Variants in UBA7 observed in about 807,000 individuals in gnomAD.
UBA7 encodes ubiquitin like modifier activating enzyme 7.
A neutral mutation model predicts 113.0 loss-of-function variants in UBA7; 88 were observed. That is an observed-to-expected ratio of 0.78 (90% CI 0.66 to 0.93). The LOEUF (loss-of-function observed/expected upper bound fraction) is 0.93, where lower values mean the gene tolerates loss of function less well. UBA7 is among the 40% of genes least tolerant of loss of function. The pLI, the probability that UBA7 is intolerant of heterozygous loss-of-function variation, is 0.00. For missense variants in UBA7, 1,092 were observed against 1,266.4 expected (o/e 0.86, Z 2.09); for synonymous variants, 459 against 513.0 (o/e 0.89, Z 1.42).
At chr3:49,808,323 T>C in intron 19 of UBA7, 63 bp downstream of exon 19, 6 of 1,602,878 alleles carry the variant, frequency 3.7e-6, no homozygotes, top group Non-Finnish European at 5.1e-6. Context: ...ACTACCTTAT[T>C]AGCTCCTGAC....
rs2081504741 is a variant in UBA7 at position 49,809,383 on chromosome 3, C to T, written c.2163+7G>A. The T allele has an allele frequency of 1.2e-6, 2 of 1,613,812 alleles. No individual in the cohort carries two copies. The highest frequency in any genetic ancestry group is 1.7e-5 in the Admixed American group (1 of 59,986). On this transcript the variant is annotated splice_region_variant and intron_variant, in intron 17 of 23. Transcript: ENST00000333486. ...TATCTTGGAGCTCCCTACAGAATCCCACTCACTTGGTTGGTGTCAAACTCC... is the reference window on the plus strand; with the variant it reads ...TATCTTGGAGCTCCCTACAGAATCCTACTCACTTGGTTGGTGTCAAACTCC...
chr3:49,811,636 C>T, intron 8 of UBA7, 181 bp from the exon 9 acceptor site: 1 of 1,122,912 alleles, frequency 8.9e-7, no homozygotes. Context: ...TACCAGACAG[C>T]AGTCCAGGAG....
intron 18 of UBA7, 113 bp downstream of exon 18, chr3:49,808,863 C>T: frequency 7.3e-7 from 1 of 1,370,332 alleles, no homozygotes; most frequent in Non-Finnish European, 9.8e-7. Flanking sequence ...TGAGAGGTAG[C>T]AAATTGGCTG....
At chr3:49,808,861 A>G (rs2081496426) in intron 18 of UBA7, 115 bp downstream of exon 18, 11 of 1,346,402 alleles carry the variant, frequency 8.2e-6, no homozygotes, top group Non-Finnish European at 1.1e-5. Context: ...CCTGAGAGGT[A>G]GCAAATTGGC....
Position 49,812,199 on chromosome 3 carries a change from C to A in UBA7, c.702G>T (p.Gly234=). ...DPRSIHVRED[G]SLEIGDTTTF... ...TTGTTGTGTCTCCAATCTCCAGGGA[C>A]CCATCCTCTGAGGGAGTTCCAGTCT... is the stretch of plus-strand genomic sequence containing the variant. Residue 234 remains glycine (G), a synonymous_variant, in exon 7 of 24, where the codon GGG becomes GGT. Coordinates refer to ENST00000333486, the MANE Select transcript of UBA7 (RefSeq NM_003335.3). 6.2e-7 allele frequency: 1 copy of A among 1,614,206 alleles called. No individual in the cohort carries two copies. Among genetic ancestry groups the A allele is most frequent in the Non-Finnish European group, 8.5e-7 (1 of 1,180,042 alleles).
chr3:49,809,499 T>C (rs1438941770), intron 16 of UBA7, 35 bp from the exon 17 acceptor site: 2 of 1,613,852 alleles, frequency 1.2e-6, no homozygotes, highest in South Asian at 2.2e-5. Flanking sequence ...GGGCTCAGTC[T>C]GGTCCCCCTG....
At position 49,805,990 on chromosome 3, in the gene UBA7, T is replaced by C. The variant is rs2081442879; in HGVS notation, c.2816A>G (p.His939Arg). The change falls in exon 23 of 24, where the codon CAC becomes CGC. Residue 939 changes from histidine to arginine, a missense_variant. Transcript: ENST00000333486. ...ESLLAHLQEQHGLRVRILLHG... is the reference protein window; with the variant it reads ...ESLLAHLQEQRGLRVRILLHG... Reference sequence around the variant, plus strand: ...CAGCAGGATCCTCACCCTCAACCCGTGCTGCTCCTAGAGGAGAAAGGTCAG... The same window carrying C: ...CAGCAGGATCCTCACCCTCAACCCGCGCTGCTCCTAGAGGAGAAAGGTCAG... 6.4e-7 allele frequency: 1 copy of C among 1,566,612 alleles called. No homozygotes were observed. Among genetic ancestry groups the C allele is most frequent in the African/African-American group, 1.4e-5 (1 of 73,868 alleles).
Position 49,808,466 on chromosome 3 carries a change from G to A in UBA7, c.2350C>T (p.Pro784Ser), listed in dbSNP as rs911742773. Residue 784 changes from proline to serine, a missense_variant and splice_region_variant, in exon 19 of 24, where the codon CCT becomes TCT. Coordinates refer to ENST00000333486, the MANE Select transcript of UBA7 (RefSeq NM_003335.3). ...TTGTTCAGTTCCTTCTGCTGCTCAG[G>A]GCCTGTCAGGGGAGGGGATGTTGAG... ...ELASASAEFG[P>S]EQQKELNKAL... The A allele has an allele frequency of 9.3e-6, 15 of 1,614,058 alleles. No individual in the cohort carries two copies. The highest frequency in any genetic ancestry group is 1.2e-5 in the Non-Finnish European group (14 of 1,179,962).
At position 49,813,633 on chromosome 3, in the gene UBA7, G is replaced by A. The variant is rs1450396834; in HGVS notation, c.71C>T (p.Ser24Leu). The A allele has an allele frequency of 1.5e-5, 25 of 1,614,120 alleles. No homozygotes were observed. The highest frequency in any genetic ancestry group is 2.7e-5 in the African/African-American group (2 of 74,950). Reference protein sequence around the residue: ...LYSRQLYVLGSPAMQRIQGAR... With the variant: ...LYSRQLYVLGLPAMQRIQGAR... ...TCCCTGAATCCTCTGCATGGCAGGT[G>A]AGCCCAGCACATACCTGTGGATGGG... Residue 24 changes from serine to leucine, a missense_variant, in exon 2 of 24, where the codon TCA becomes TTA. Around this residue, in one of 3 missense-constraint regions of UBA7, gnomAD observed 584 missense variants for 714.5 expected, o/e 0.82. Transcript: ENST00000333486.
rs149099532 is a variant in UBA7 at position 49,813,620 on chromosome 3, C to A, written c.84G>T (p.Gln28His). 44 of 1,614,140 alleles carry A rather than the reference C, an allele frequency of 2.7e-5. No individual in the cohort carries two copies. The African/African-American group carries it at 5.7e-4, about 21-fold the overall frequency. Residue 28 changes from glutamine to histidine, a missense_variant, in exon 2 of 24, where the codon CAG (glutamine) becomes CAT (histidine). By Grantham distance (24) the Gln-to-His change is conservative (BLOSUM62 0). Transcript: ENST00000333486. ...QLYVLGSPAM[Q>H]RIQGARVLVS... is the part of the protein sequence containing the mutation. Reference sequence around the variant, plus strand: ...CCAGGACCCTGGCTCCCTGAATCCTCTGCATGGCAGGTGAGCCCAGCACAT... The same window carrying A: ...CCAGGACCCTGGCTCCCTGAATCCTATGCATGGCAGGTGAGCCCAGCACAT...
chr3:49,808,934 C>T (rs1362729288), intron 18 of UBA7, 42 bp downstream of exon 18: 1 of 1,597,920 alleles, frequency 6.3e-7, no homozygotes, highest in Non-Finnish European at 8.5e-7. Flanking sequence ...CAGGTTCAGG[C>T]CTTTGAAAGA....
In UBA7 at chr3:49,813,296, C is replaced by A; in HGVS notation, c.313G>T (p.Val105Phe). The A allele has an allele frequency of 6.2e-7, 1 of 1,614,178 alleles. No individual in the cohort carries two copies. Among genetic ancestry groups the A allele is most frequent in the Non-Finnish European group, 8.5e-7 (1 of 1,180,034 alleles). Residue 105 changes from valine to phenylalanine, a missense_variant, in exon 3 of 24, where the codon GTC (valine) becomes TTC (phenylalanine). Val to Phe is a conservative substitution (Grantham distance 50, BLOSUM62 -1). This residue lies in a region of UBA7 where 584 missense variants were observed against 714.5 expected (regional missense o/e 0.82). Transcript: ENST00000333486. ...LAQLNRAVQV[V>F]VHTGDITEDL... ...TCAGTGATGTCACCCGTGTGCACGA[C>A]GACCTGGACAGCTCTGTTGAGCTGA... is the stretch of plus-strand genomic sequence containing the variant.
intron 5 of UBA7, 51 bp downstream of exon 5, chr3:49,812,597 C>T (rs370915371): frequency 2.5e-6 from 4 of 1,614,148 alleles, no homozygotes; most frequent in African/African-American, 1.3e-5. Context: ...TCCACAGGCC[C>T]TGGCAGCCTC....
rs1056627498 is a variant in UBA7, at chr3:49,810,390, GC to G, written c.1505del (p.Gly502AlafsTer2). 11 of 1,614,034 alleles carry G rather than the reference GC, an allele frequency of 6.8e-6. No individual in the cohort carries two copies. Among genetic ancestry groups the G allele is most frequent in the Non-Finnish European group, 9.3e-6 (11 of 1,180,048 alleles). ...GGATCACCTGTAAGTCTGGGTTCAG[GC>G]CCCGGGCAGCTGCTGCAGCCACCTC... ...KAEVAAAAAR[G>X]LNPDLQVIPL... On this transcript the variant is annotated frameshift_variant, in exon 13 of 24. Coordinates refer to ENST00000333486, the MANE Select transcript of UBA7 (RefSeq NM_003335.3). LOFTEE classifies it high-confidence loss of function. The surrounding 1 kb of genome is among the most constrained non-coding windows in gnomAD (Gnocchi z 5.6).
intron 23 of UBA7, 63 bp downstream of exon 23, chr3:49,805,834 G>T: frequency 6.9e-7 from 1 of 1,443,920 alleles, no homozygotes; most frequent in Non-Finnish European, 9.5e-7. Context: ...AAAAGGCAGT[G>T]TGGTCCCTAG....
Position 49,809,395 on chromosome 3 carries a change from T to A in UBA7, c.2158A>T (p.Asn720Tyr), listed in dbSNP as rs749668905. The change falls in exon 17 of 24, where the codon AAC becomes TAC. Residue 720 changes from asparagine to tyrosine, a missense_variant. Around this residue, in one of 3 missense-constraint regions of UBA7, gnomAD observed 500 missense variants for 529.3 expected, o/e 0.94. Transcript: ENST00000333486. ...QCPQPLEFDT[N>Y]QDTHLLYVLA... ...CCCTACAGAATCCCACTCACTTGGT[T>A]GGTGTCAAACTCCAAGGGCTGGGGA... 2 of 1,614,114 alleles carry A rather than the reference T, an allele frequency of 1.2e-6. 1 individual carries two copies.
Position 49,807,822 on chromosome 3 carries a change from G to A in UBA7, c.2629C>T (p.Pro877Ser), listed in dbSNP as rs747274065. 69 of 1,614,024 alleles carry A rather than the reference G, an allele frequency of 4.3e-5. No homozygotes were observed. The highest frequency in any genetic ancestry group is 5.5e-5 in the Non-Finnish European group (65 of 1,180,012). The change falls in exon 21 of 24, where the codon CCT (proline) becomes TCT (serine). Residue 877 changes from proline to serine, a missense_variant. By Grantham distance (74) the Pro-to-Ser change is moderately conservative (BLOSUM62 -1). Around this residue, in one of 3 missense-constraint regions of UBA7, gnomAD observed 500 missense variants for 529.3 expected, o/e 0.94. Transcript: ENST00000333486. The surrounding 1 kb of genome is among the most constrained non-coding windows in gnomAD (Gnocchi z 4.0). ...TAGCTGTGGCGAAAGGCACTACGAG[G>A]CCGTGGCCCACTCACCACCTTATAC... ...ELYKVVSGPR[P>S]RSAFRHSYLH... is the part of the protein sequence containing the mutation.
chr3:49,813,715 C>T lies in UBA7; in HGVS notation c.56+17G>A, dbSNP rs776070523. The T allele has an allele frequency of 5.7e-5, 92 of 1,614,138 alleles. No individual in the cohort carries two copies. Among genetic ancestry groups the T allele is most frequent in the Non-Finnish European group, 7.2e-5 (85 of 1,180,056 alleles). On this transcript the variant is annotated intron_variant, in intron 1 of 23. Coordinates refer to ENST00000333486, the MANE Select transcript of UBA7 (RefSeq NM_003335.3). ...CTGAAGACCATCCCACTCTCCACCC[C>T]CCACCTCGGGCCTCACAGCTGTCTT... is the stretch of plus-strand genomic sequence containing the variant.
In UBA7 at chr3:49,809,079, A is replaced by G. The variant is rs748515675; in HGVS notation, c.2244T>C (p.Thr748=). ...GCAGCTTCAGCAGCTCCCTGAGTGC[A>G]GTCCAGTCCTGTGAGCCAGGCAGCC... is the stretch of plus-strand genomic sequence containing the variant. The part of the protein sequence containing the change: ...MHGLPGSQDW[T]ALRELLKLLP... The change falls in exon 18 of 24, where the codon ACT becomes ACC. Residue 748 remains threonine (T), a synonymous_variant. Coordinates refer to ENST00000333486, the MANE Select transcript of UBA7 (RefSeq NM_003335.3). 15 of 1,613,650 alleles carry G rather than the reference A, an allele frequency of 9.3e-6. No individual in the cohort carries two copies. The African/African-American group carries it at 1.9e-4, about 20-fold the overall frequency.
Sources: gnomAD v4.1 joint callset for allele counts on GRCh38, gnomAD v4.1.1 for gene constraint, gnomAD v4.1.1 regional missense constraint, Gnocchi (gnomAD v3.1) non-coding constraint, MANE v1.5 for transcripts, NCBI Gene and HGNC (gene_info 2026-07-23, HGNC 2026-07-21) for gene names.